The following OSBPL8 variants were observed in gnomAD, a reference collection of about 807,000 sequenced individuals.
The protein encoded by OSBPL8 is oxysterol-binding protein-related protein 8.
OSBPL8 carries 59 observed loss-of-function variants against 125.5 expected under a neutral mutation model. That is an observed-to-expected ratio of 0.47 (90% CI 0.38 to 0.58). OSBPL8 has a LOEUF of 0.58. Ranked by LOEUF, OSBPL8 falls within the 20% of genes least tolerant of loss-of-function variation. The pLI, the probability that OSBPL8 is intolerant of heterozygous loss-of-function variation, is 0.00. For synonymous variants in OSBPL8, 330 were observed against 338.9 expected, an observed-to-expected ratio of 0.97 and a Z score of 0.29; for missense variants, 758 against 1,047.8, an observed-to-expected ratio of 0.72 and a Z score of 3.82.
At chr12:76,531,777 C>G (rs981159670) in intron 1 of OSBPL8, among the ~76,000 whole-genome samples, 17 of 152,128 alleles carry the variant, frequency 1.1e-4, no homozygotes, top group African/African-American at 4.1e-4. Context: ...GTGGCTCACG[C>G]CTGTAATCCC....
At chr12:76,544,755 T>G (rs1459835342) in intron 1 of OSBPL8, among the ~76,000 whole-genome samples, 2 of 151,970 alleles carry the variant, frequency 1.3e-5, no homozygotes, top group Non-Finnish European at 2.9e-5. Flanking sequence ...ACTTAACAGC[T>G]ATAGAGTGAA....
intron 2 of OSBPL8, among the ~76,000 whole-genome samples, chr12:76,480,167 C>CAAAAAAAAAAAAAAAAAAAA (rs57582036): frequency 1.8e-5 from 1 of 56,386 alleles, no homozygotes; most frequent in Non-Finnish European, 3.1e-5. Flanking sequence ...AACTCCATCT[C>CAAAAAAAAAAAAAAAAAAAA]AAAAAAAAAA....
intron 1 of OSBPL8, among the ~76,000 whole-genome samples, chr12:76,546,618 A>C (rs1950790160): frequency 6.6e-6 from 1 of 152,212 alleles, no homozygotes; most frequent in African/African-American, 2.4e-5. Context: ...AAAAAGTATC[A>C]AAATTATAAA....
Position 76,559,639 on chromosome 12 carries a change from G to C in OSBPL8, c.-310C>G, listed in dbSNP as rs1951216614. On this transcript the variant is annotated 5_prime_UTR_variant, in exon 1 of 24. Transcript: ENST00000261183. ...GCCCCGAGGTCCACCAGCCCGGGCG[G>C]ACCCCCACCTTCCCTCAGTCGGCTT... 1 of 152,234 alleles carries C rather than the reference G, an allele frequency of 6.6e-6. No homozygotes were observed. The highest frequency in any genetic ancestry group is 2.4e-5 in the African/African-American group (1 of 41,464). 9.4% of individuals were successfully genotyped at this position (152,234 alleles called of 1,614,324 possible). A position where few individuals can be genotyped will look rare whatever the true frequency, so the allele number is the denominator to read the frequency against.
At chr12:76,505,829 G>A (rs1053595544) in intron 1 of OSBPL8, among the ~76,000 whole-genome samples, 2 of 152,268 alleles carry the variant, frequency 1.3e-5, no homozygotes, top group East Asian at 3.9e-4. Flanking sequence ...TAACTAAGCT[G>A]CAAATCACGG....
chr12:76,384,637 A>C (rs2136263627), intron 14 of OSBPL8, among the ~76,000 whole-genome samples: 1 of 152,278 alleles, frequency 6.6e-6, no homozygotes, highest in East Asian at 1.9e-4. Context: ...TTAGGTTACA[A>C]AGCACCTTCC....
chr12:76,477,920 A>G (rs999003918), intron 2 of OSBPL8, among the ~76,000 whole-genome samples: 16 of 151,964 alleles, frequency 1.1e-4, no homozygotes, highest in African/African-American at 3.6e-4. Context: ...AAAAGAATTC[A>G]TGGCCGGGCA....
chr12:76,522,854 T>C (rs991970975), intron 1 of OSBPL8, among the ~76,000 whole-genome samples: 2 of 152,184 alleles, frequency 1.3e-5, no homozygotes, highest in Admixed American at 6.5e-5. Context: ...TAAATTCCTA[T>C]ATTTATTTAT....
chr12:76,490,754 A>G (rs1878632472), intron 1 of OSBPL8, among the ~76,000 whole-genome samples: 1 of 152,254 alleles, frequency 6.6e-6, no homozygotes, highest in African/African-American at 2.4e-5. Flanking sequence ...GAAGGCAGCC[A>G]TCTCATGCAA....
chr12:76,459,600 G>A (rs934711893), intron 3 of OSBPL8, among the ~76,000 whole-genome samples: 3 of 152,078 alleles, frequency 2.0e-5, no homozygotes, highest in Non-Finnish European at 4.4e-5. Context: ...TTATGAGTTA[G>A]ATAATTAAGT....
At chr12:76,545,120 T>C (rs1950748093) in intron 1 of OSBPL8, among the ~76,000 whole-genome samples, 1 of 152,204 alleles carries the variant, frequency 6.6e-6, no homozygotes, top group South Asian at 2.1e-4. Flanking sequence ...GCATTTGTGA[T>C]ACTAGGTCGC....
intron 2 of OSBPL8, among the ~76,000 whole-genome samples, chr12:76,469,871 A>G (rs1200279945): frequency 6.6e-6 from 1 of 152,062 alleles, no homozygotes; most frequent in Admixed American, 6.6e-5. Context: ...CATTGTGGAC[A>G]CTCAGCAAAT....
intron 21 of OSBPL8, among the ~76,000 whole-genome samples, chr12:76,366,149 A>C (rs1210841242): frequency 6.6e-6 from 1 of 152,158 alleles, no homozygotes; most frequent in East Asian, 1.9e-4. Context: ...AGAGTTTGAG[A>C]AGGATTTGTG....
intron 3 of OSBPL8, among the ~76,000 whole-genome samples, chr12:76,455,795 CT>C (rs1237516508): frequency 1.3e-5 from 2 of 152,172 alleles, no homozygotes; most frequent in Non-Finnish European, 2.9e-5. Flanking sequence ...GGGACAGTGA[CT>C]TTTTTTCTGT....
In OSBPL8 at chr12:76,366,083, G is replaced by A. The variant is rs141219002; in HGVS notation, c.2328+3131C>T. 3.3e-3 allele frequency among the ~76,000 whole-genome samples: 505 copies of A among 152,170 alleles called. 3 individuals carry two copies. Among genetic ancestry groups the A allele is most frequent in the Middle Eastern group, 0.01 (3 of 294 alleles). On this transcript the variant is annotated intron_variant, in intron 21 of 23. Transcript: ENST00000261183. ...TGTCTTTATCTGGCTTTGGCATTAG[G>A]GTAATGTTAGCCTCAGAGAATAAGT...
At chr12:76,489,959 T>G (rs919900380) in intron 1 of OSBPL8, among the ~76,000 whole-genome samples, 1 of 152,170 alleles carries the variant, frequency 6.6e-6, no homozygotes, top group Non-Finnish European at 1.5e-5. Flanking sequence ...TTGGAAGAAG[T>G]TGATTCCAAC....
intron 1 of OSBPL8, among the ~76,000 whole-genome samples, chr12:76,514,617 T>C (rs979483607): frequency 2.0e-5 from 3 of 152,208 alleles, no homozygotes; most frequent in African/African-American, 7.2e-5. Flanking sequence ...GAAAATCTGA[T>C]GATTATGTGT....
intron 21 of OSBPL8, among the ~76,000 whole-genome samples, chr12:76,366,236 C>A (rs1161098141): frequency 2.6e-5 from 4 of 152,160 alleles, no homozygotes; most frequent in African/African-American, 4.8e-5. Context: ...TTTTTGGTTA[C>A]TGATTCAATC....
chr12:76,447,510 A>C (rs562582331), intron 4 of OSBPL8, among the ~76,000 whole-genome samples: 3 of 152,310 alleles, frequency 2.0e-5, no homozygotes, highest in African/African-American at 7.2e-5. Flanking sequence ...ACAATCTAAA[A>C]AAGTCAAACA....
Sources: gnomAD v4.1 joint callset for allele counts (sites outside exome capture counted in the v4.1 genomes callset) on GRCh38, gnomAD v4.1.1 for gene constraint, MANE v1.5 for transcripts, NCBI Gene and HGNC (gene_info 2026-07-23, HGNC 2026-07-21) for gene names.